IL17RB: variants seen among roughly 807,000 people sequenced by gnomAD.
IL17RB encodes the protein interleukin 17 receptor B.
A neutral mutation model predicts 43.9 loss-of-function variants in IL17RB; 36 were observed. The ratio of observed to expected loss-of-function variants is 0.82; its 90% CI spans 0.63 to 1.08. The LOEUF (loss-of-function observed/expected upper bound fraction) is 1.08. Ranked by LOEUF, IL17RB falls within the 50% of genes least tolerant of loss-of-function variation. The pLI, the probability that IL17RB is intolerant of heterozygous loss-of-function variation, is 0.00. For missense variants in IL17RB, 613 were observed against 613.6 expected, an observed-to-expected ratio of 1.00 and a Z score of 0.01; for synonymous variants, 225 against 225.4, an observed-to-expected ratio of 1.00 and a Z score of 0.02.
At position 53,865,172 on chromosome 3, in the gene IL17RB, A is replaced by G. The variant is rs2232351; in HGVS notation, c.1373A>G (p.Asn458Ser). Reference sequence around the variant, plus strand: ...GAGATTGATACAAAAGACGATTACAATGCTCTCAGTGTCTGCCCCAAGTAC... The same window carrying G: ...GAGATTGATACAAAAGACGATTACAGTGCTCTCAGTGTCTGCCCCAAGTAC... ...FREIDTKDDY[N>S]ALSVCPKYHL... Residue 458 changes from asparagine to serine, a missense_variant, in exon 11 of 11, where the codon AAT becomes AGT. Asn to Ser is a conservative substitution (Grantham distance 46). Coordinates refer to ENST00000288167, the MANE Select transcript of IL17RB (RefSeq NM_018725.4). 2.3e-3 allele frequency: 3,791 copies of G among 1,614,086 alleles called. 75 individuals are homozygous for G. The African/African-American group carries it at 0.043, about 18-fold the overall frequency.
At chr3:53,853,481 G>A (rs1389483607) in intron 5 of IL17RB, among the ~76,000 whole-genome samples, 1 of 152,218 alleles carries the variant, frequency 6.6e-6, no homozygotes, top group Non-Finnish European at 1.5e-5. Flanking sequence ...CTGGGCCTCT[G>A]AGAATCTACA....
Position 53,865,033 on chromosome 3 carries a change from G to A in IL17RB, c.1234G>A (p.Glu412Lys), listed in dbSNP as rs767317623. 78 of 1,614,092 alleles carry A rather than the reference G, an allele frequency of 4.8e-5. No homozygotes were observed. Among genetic ancestry groups the A allele is most frequent in the South Asian group, 1.3e-4 (12 of 91,084 alleles). ...SVCDGTCGKS[E>K]GSPSENSQDL... ...GTGCGATGGTACCTGTGGCAAGAGC[G>A]AGGGCAGTCCCAGTGAGAACTCTCA... The change falls in exon 11 of 11, where the codon GAG becomes AAG. Residue 412 changes from glutamate to lysine, a missense_variant. Physicochemically the swap from Glu to Lys is moderately conservative, Grantham distance 56. Transcript: ENST00000288167.
intron 1 of IL17RB, among the ~76,000 whole-genome samples, chr3:53,847,220 G>C (rs749392171): frequency 6.2e-4 from 95 of 152,268 alleles, no homozygotes; most frequent in South Asian, 4.3e-3. Context: ...TGCCCTCTTA[G>C]AATAGCATAT....
chr3:53,848,645 G>GT lies in IL17RB; in HGVS notation c.61-19_61-18insT, dbSNP rs1307449221. The GT allele has an allele frequency of 2.0e-6, 3 of 1,472,172 alleles. No homozygotes were observed. The highest frequency in any genetic ancestry group is 1.2e-5 in the South Asian group (1 of 86,600). The allele number at this position is 1,472,172 out of a possible 1,614,324, so 91.2% of individuals were successfully genotyped here. On this transcript the variant is annotated intron_variant, in intron 1 of 10. Coordinates refer to ENST00000288167, the MANE Select transcript of IL17RB (RefSeq NM_018725.4). ...GTTTGCCGGCTTCAACGTGACGCTT[G>GT]GTTTTTTCTCTCCCACAGACCGTTC...
intron 3 of IL17RB, among the ~76,000 whole-genome samples, chr3:53,850,820 TAA>T (rs570150353): frequency 6.7e-6 from 1 of 149,642 alleles, no homozygotes; most frequent in East Asian, 1.9e-4. Flanking sequence ...TAAAATAAAA[TAA>T]AATAAAAGTC....
At position 53,860,149 on chromosome 3, in the gene IL17RB, C is replaced by A; in HGVS notation, c.867C>A (p.Gly289=). Residue 289 remains glycine (G), a synonymous_variant, in exon 10 of 11, where the codon GGC becomes GGA. Coordinates refer to ENST00000288167, the MANE Select transcript of IL17RB (RefSeq NM_018725.4). The part of the protein sequence containing the change: ...PLDNNKSKPG[G]WLPLLLLSLL... ...TTCCAGACAAAAGCAAGCCGGGAGG[C>A]TGGCTGCCTCTCCTCCTGCTGTCTC... is the stretch of plus-strand genomic sequence containing the variant. 6.2e-7 allele frequency: 1 copy of A among 1,613,968 alleles called. No homozygotes were observed. The highest frequency in any genetic ancestry group is 1.7e-5 in the Admixed American group (1 of 60,022).
intron 5 of IL17RB, among the ~76,000 whole-genome samples, chr3:53,854,761 G>C (rs1452039007): frequency 6.6e-6 from 1 of 152,228 alleles, no homozygotes; most frequent in Non-Finnish European, 1.5e-5. Flanking sequence ...GGTGAGGATA[G>C]GGGAGTGTTA....
intron 8 of IL17RB, chr3:53,858,236 T>C (rs998834142): frequency 4.0e-6 from 2 of 499,198 alleles, no homozygotes; most frequent in African/African-American, 4.2e-5. Flanking sequence ...GGAGCTTCCA[T>C]GCTTCATTCC....
At chr3:53,850,648 A>G (rs1272858104) in intron 3 of IL17RB, among the ~76,000 whole-genome samples, 2 of 151,358 alleles carry the variant, frequency 1.3e-5, no homozygotes, top group Non-Finnish European at 2.9e-5. Flanking sequence ...TCCTAAAAAT[A>G]CAAAAAATTA....
intron 10 of IL17RB, 59 bp downstream of exon 10, chr3:53,860,287 T>C: frequency 7.0e-7 from 1 of 1,422,040 alleles, no homozygotes; most frequent in Non-Finnish European, 9.8e-7. Context: ...TGAATTTTTT[T>C]TTAAAGAAGA....
chr3:53,848,693 G>A lies in IL17RB; in HGVS notation c.85+5G>A. The A allele has an allele frequency of 7.4e-6, 12 of 1,614,032 alleles. No individual in the cohort carries two copies. Among genetic ancestry groups the A allele is most frequent in the Non-Finnish European group, 1.0e-5 (12 of 1,179,882 alleles). On this transcript the variant is annotated splice_donor_5th_base_variant and intron_variant, in intron 2 of 10. Transcript: ENST00000288167. Reference sequence around the variant, plus strand: ...TTCAATGTGGCTCTGAAACTGGTAGGTGCATTAGAGAATGGGTATTTGGGG... The same window carrying A: ...TTCAATGTGGCTCTGAAACTGGTAGATGCATTAGAGAATGGGTATTTGGGG...
At position 53,860,183 on chromosome 3, in the gene IL17RB, G is replaced by A. The variant is rs1196864707; in HGVS notation, c.901G>A (p.Ala301Thr). The A allele has an allele frequency of 6.2e-7, 1 of 1,614,064 alleles. No individual in the cohort carries two copies. The highest frequency in any genetic ancestry group is 2.2e-5 in the East Asian group (1 of 44,892). The change falls in exon 10 of 11, where the codon GCC becomes ACC. Residue 301 changes from alanine to threonine, a missense_variant. By Grantham distance (58) the Ala-to-Thr change is moderately conservative. Transcript: ENST00000288167. The stretch of plus-strand genomic sequence containing the variant: ...TCTCCTCCTGCTGTCTCTGCTGGTG[G>A]CCACATGGGTGCTGGTGGCAGGGAT... ...LPLLLLSLLV[A>T]TWVLVAGIYL...
chr3:53,859,908 G>A (rs1246713570), intron 9 of IL17RB: 4 of 429,088 alleles, frequency 9.3e-6, no homozygotes, highest in East Asian at 4.0e-5. Flanking sequence ...AGCTACTCAG[G>A]AGGCTGAGGC....
At chr3:53,857,584 A>C in intron 7 of IL17RB, 32 bp from the exon 8 acceptor site, 1 of 1,595,260 alleles carries the variant, frequency 6.3e-7, no homozygotes, top group Non-Finnish European at 8.6e-7. Context: ...TGCACCTGGC[A>C]CCTCATAATT....
At chr3:53,853,673 C>T (rs1359946980) in intron 5 of IL17RB, among the ~76,000 whole-genome samples, 4 of 151,640 alleles carry the variant, frequency 2.6e-5, no homozygotes, top group Non-Finnish European at 4.4e-5. Context: ...CTATCTGAGC[C>T]GAGTCACCCA....
At position 53,864,845 on chromosome 3, in the gene IL17RB, G is replaced by T; in HGVS notation, c.1046G>T (p.Cys349Phe). 1 of 1,614,154 alleles carries T rather than the reference G, an allele frequency of 6.2e-7. No homozygotes were observed. The highest frequency in any genetic ancestry group is 2.2e-5 in the East Asian group (1 of 44,888). Residue 349 changes from cysteine to phenylalanine, a missense_variant, in exon 11 of 11, where the codon TGT becomes TTT. By Grantham distance (205) the Cys-to-Phe change is radical (BLOSUM62 -2). Transcript: ENST00000288167. ...PSEICFHHTI[C>F]YFTEFLQNHC... is the part of the protein sequence containing the mutation. The stretch of plus-strand genomic sequence containing the variant: ...GAAATATGTTTCCATCACACAATTT[G>T]TTACTTCACTGAATTTCTTCAAAAC...
intron 2 of IL17RB, among the ~76,000 whole-genome samples, 168 bp downstream of exon 2, chr3:53,848,856 G>T (rs556391487): frequency 1.3e-5 from 2 of 152,314 alleles, no homozygotes; most frequent in South Asian, 4.1e-4. Context: ...AGAACTCTGG[G>T]GCTCTGTGGG....
chr3:53,863,944 G>A (rs944783550), intron 10 of IL17RB, among the ~76,000 whole-genome samples: 2 of 151,042 alleles, frequency 1.3e-5, no homozygotes, highest in East Asian at 2.0e-4. Flanking sequence ...CACCTTAGCC[G>A]CCTGAGTAGC....
In IL17RB at chr3:53,857,621, C is replaced by A; in HGVS notation, c.678C>A (p.His226Gln). ...IIGFSQVFEP[H>Q]QKKQTRASVV... Reference sequence around the variant, plus strand: ...TTGACTCTCTCTCTCTTAAGCCACACCAGAAGAAACAAACGCGAGCTTCAG... The same window carrying A: ...TTGACTCTCTCTCTCTTAAGCCACAACAGAAGAAACAAACGCGAGCTTCAG... Residue 226 changes from histidine to glutamine, a missense_variant, in exon 8 of 11, where the codon CAC becomes CAA. His to Gln is a conservative substitution (Grantham distance 24). Transcript: ENST00000288167. 1 of 1,614,034 alleles carries A rather than the reference C, an allele frequency of 6.2e-7. No individual in the cohort carries two copies. Among genetic ancestry groups the A allele is most frequent in the Non-Finnish European group, 8.5e-7 (1 of 1,179,898 alleles).
Sources: gnomAD v4.1 joint callset for allele counts (sites outside exome capture counted in the v4.1 genomes callset) on GRCh38, gnomAD v4.1.1 for gene constraint, MANE v1.5 for transcripts, NCBI Gene and HGNC (gene_info 2026-07-23, HGNC 2026-07-21) for gene names.